The following HIF1AN variants were observed in gnomAD, a reference collection of about 807,000 sequenced individuals.
HIF1AN encodes hypoxia-inducible factor 1-alpha inhibitor.
In HIF1AN, 21 loss-of-function variants were observed where a neutral mutation model predicts 47.7. The ratio of observed to expected loss-of-function variants is 0.44; its 90% CI spans 0.31 to 0.63. The LOEUF (loss-of-function observed/expected upper bound fraction) is 0.63. HIF1AN is among the 30% of genes least tolerant of loss of function. The probability of loss-of-function intolerance (pLI) is 0.07; values close to 1 mark genes in which losing one functional copy is unlikely to be tolerated. For missense variants in HIF1AN, 320 were observed against 432.7 expected (o/e 0.74, Z 2.31); for synonymous variants, 152 against 155.9 (o/e 0.98, Z 0.18).
At chr10:100,537,506 C>T (rs1313480136) in intron 2 of HIF1AN, among the ~76,000 whole-genome samples, 1 of 152,204 alleles carries the variant, frequency 6.6e-6, no homozygotes, top group African/African-American at 2.4e-5. Flanking sequence ...GGTTAGGATT[C>T]TCTAGCTTAG....
In HIF1AN at chr10:100,557,118, A is replaced by G. The variant is rs945314079; in HGVS notation, c.*8981A>G. 6.6e-6 allele frequency: 1 copy of G among 152,274 alleles called. No homozygotes were observed. The highest frequency in any genetic ancestry group is 1.5e-5 in the Non-Finnish European group (1 of 68,108). 9.4% of individuals were successfully genotyped at this position (152,274 alleles called of 1,614,324 possible). ...GTTTAATAGGGCAGGGTCTTGAGGA[A>G]CAGGAACAGAGACCTTGGTTCTGGG... On this transcript the variant is annotated 3_prime_UTR_variant, in exon 8 of 8. Transcript: ENST00000299163.
In HIF1AN at chr10:100,540,796, C is replaced by G. The variant is rs1278122836; in HGVS notation, c.577+14C>G. 6.3e-7 allele frequency: 1 copy of G among 1,599,122 alleles called. No individual in the cohort carries two copies. Among genetic ancestry groups the G allele is most frequent in the Non-Finnish European group, 8.5e-7 (1 of 1,175,454 alleles). ...TTGGCATGGAAGGTAAGAAATCTTT[C>G]AAAAGCAGCATGGCTTGGAGTCATA... On this transcript the variant is annotated intron_variant, in intron 3 of 7. Transcript: ENST00000299163.
At chr10:100,544,603 G>A (rs17113199) in intron 3 of HIF1AN, among the ~76,000 whole-genome samples, 1,766 of 152,258 alleles carry the variant, frequency 0.012, 27 homozygotes, top group African/African-American at 0.039. Flanking sequence ...AATTCCTGCC[G>A]TAGTCAAGAA....
intron 3 of HIF1AN, 55 bp from the exon 4 acceptor site, chr10:100,544,896 C>T: frequency 6.4e-7 from 1 of 1,565,164 alleles, no homozygotes; most frequent in Non-Finnish European, 8.8e-7. Flanking sequence ...TCCTGTATTC[C>T]AGCTTATGCA....
chr10:100,547,019 C>T, intron 6 of HIF1AN, 121 bp from the exon 7 acceptor site: 1 of 714,236 alleles, frequency 1.4e-6, no homozygotes, highest in Non-Finnish European at 2.4e-6. Flanking sequence ...GGATTATAGG[C>T]CTGAGTCACC....
intron 7 of HIF1AN, 128 bp from the exon 8 acceptor site, chr10:100,547,965 A>T: frequency 1.2e-6 from 1 of 819,896 alleles, no homozygotes; most frequent in Non-Finnish European, 2.1e-6. Flanking sequence ...TGATTAGAGG[A>T]TTCACAAGAT....
chr10:100,546,119 T>C, intron 5 of HIF1AN, 70 bp downstream of exon 5: 1 of 1,079,390 alleles, frequency 9.3e-7, no homozygotes, highest in South Asian at 1.3e-5. Flanking sequence ...GCCTTGTCTG[T>C]GTCGCTTCTG....
At position 100,552,227 on chromosome 10, in the gene HIF1AN, C is replaced by G. The variant is rs1380720305; in HGVS notation, c.*4090C>G. 1.3e-5 allele frequency: 2 copies of G among 150,134 alleles called. No individual in the cohort carries two copies. Among genetic ancestry groups the G allele is most frequent in the Non-Finnish European group, 2.9e-5 (2 of 68,014 alleles). The allele number at this position is 150,134 out of a possible 1,614,324, so 9.3% of individuals were successfully genotyped here. On this transcript the variant is annotated 3_prime_UTR_variant, in exon 8 of 8. Coordinates refer to ENST00000299163, the MANE Select transcript of HIF1AN (RefSeq NM_017902.3). The stretch of plus-strand genomic sequence containing the variant: ...TTTGTGACTTGAATGCAGTGAGTGC[C>G]TTAGAGGATCCAAGGATGAAGGAAT...
At position 100,553,749 on chromosome 10, in the gene HIF1AN, T is replaced by C. The variant is rs1843188748; in HGVS notation, c.*5612T>C. 1 of 152,272 alleles carries C rather than the reference T, an allele frequency of 6.6e-6. No individual in the cohort carries two copies. Among genetic ancestry groups the C allele is most frequent in the South Asian group, 2.1e-4 (1 of 4,832 alleles). The allele number at this position is 152,272 out of a possible 1,614,324, so 9.4% of individuals were successfully genotyped here. A position where few individuals can be genotyped will look rare whatever the true frequency, so the allele number is the denominator to read the frequency against. On this transcript the variant is annotated 3_prime_UTR_variant, in exon 8 of 8. Transcript: ENST00000299163. ...ACCAGCTGGGTTTGACCTTGGTTGA[T>C]TTACTTAACCTCTCTGAGCCTCAGT...
In HIF1AN at chr10:100,554,175, A is replaced by C. The variant is rs922315993; in HGVS notation, c.*6038A>C. On this transcript the variant is annotated 3_prime_UTR_variant, in exon 8 of 8. Transcript: ENST00000299163. ...TACCAGCCCAGGGCCTTGGGTGAGAAGGTTTCAGGTCTGAGCTCCCCTTGC... is the reference window on the plus strand; with the variant it reads ...TACCAGCCCAGGGCCTTGGGTGAGACGGTTTCAGGTCTGAGCTCCCCTTGC... 2.0e-5 allele frequency: 3 copies of C among 152,166 alleles called. No homozygotes were observed. The highest frequency in any genetic ancestry group is 7.2e-5 in the African/African-American group (3 of 41,426). 9.4% of individuals were successfully genotyped at this position (152,166 alleles called of 1,614,324 possible).
chr10:100,536,017 C>A lies in HIF1AN; in HGVS notation c.59C>A (p.Ala20Asp), dbSNP rs1359056721. The A allele has an allele frequency of 2.5e-6, 4 of 1,586,462 alleles. No individual in the cohort carries two copies. Among genetic ancestry groups the A allele is most frequent in the Non-Finnish European group, 2.6e-6 (3 of 1,167,720 alleles). ...ASGSGEPREE[A>D]GALGPAWDES... The stretch of plus-strand genomic sequence containing the variant: ...GGCTCTGGAGAGCCCCGGGAGGAGG[C>A]TGGAGCCCTCGGCCCCGCCTGGGAT... The change falls in exon 1 of 8, where the codon GCT (alanine) becomes GAT (aspartate). Residue 20 changes from alanine to aspartate, a missense_variant. Physicochemically the swap from Ala to Asp is moderately radical, Grantham distance 126. Coordinates refer to ENST00000299163, the MANE Select transcript of HIF1AN (RefSeq NM_017902.3).
rs181848222 is a variant in HIF1AN, at chr10:100,550,480, C to T, written c.*2343C>T. The stretch of plus-strand genomic sequence containing the variant: ...ACTGTTAGGCTGCAAACCCCTTGCT[C>T]CTTCCTTTCCACCAAACTATGTTGA... On this transcript the variant is annotated 3_prime_UTR_variant, in exon 8 of 8. Transcript: ENST00000299163. The T allele has an allele frequency of 5.3e-5, 8 of 152,370 alleles. No individual in the cohort carries two copies. Among genetic ancestry groups the T allele is most frequent in the Admixed American group, 3.3e-4 (5 of 15,300 alleles). The allele number at this position is 152,370 out of a possible 1,614,324, so 9.4% of individuals were successfully genotyped here. A position where few individuals can be genotyped will look rare whatever the true frequency, so the allele number is the denominator to read the frequency against.
intron 3 of HIF1AN, among the ~76,000 whole-genome samples, chr10:100,544,295 G>A (rs1345738720): frequency 6.6e-6 from 1 of 152,294 alleles, no homozygotes; most frequent in African/African-American, 2.4e-5. Context: ...GTGTTGTCTT[G>A]GCTAGATGTG....
intron 3 of HIF1AN, among the ~76,000 whole-genome samples, chr10:100,542,498 C>T (rs1047102557): frequency 4.8e-4 from 73 of 152,090 alleles, no homozygotes; most frequent in Non-Finnish European, 4.0e-4. Flanking sequence ...GGACTACGGG[C>T]GCCCGCCACC....
chr10:100,542,392 C>G (rs775992083), intron 3 of HIF1AN, among the ~76,000 whole-genome samples: 4 of 152,096 alleles, frequency 2.6e-5, no homozygotes, highest in African/African-American at 9.7e-5. Context: ...CTCGCTCTGT[C>G]GCCCAGGCTG....
In HIF1AN at chr10:100,545,234, A is replaced by G. The variant is rs147476459; in HGVS notation, c.723+138A>G. The G allele has an allele frequency of 1.7e-5, 15 of 862,130 alleles. No individual in the cohort carries two copies. The African/African-American group carries it at 1.9e-4, about 11-fold the overall frequency. 53.4% of individuals were successfully genotyped at this position (862,130 alleles called of 1,614,324 possible). A position where few individuals can be genotyped will look rare whatever the true frequency, so the allele number is the denominator to read the frequency against. Reference sequence around the variant, plus strand: ...TCTTGCCTTAACACACCAAGAGGGTAATTTCATTGTAGCTCACATATTCCA... The same window carrying G: ...TCTTGCCTTAACACACCAAGAGGGTGATTTCATTGTAGCTCACATATTCCA... On this transcript the variant is annotated intron_variant, in intron 4 of 7. Coordinates refer to ENST00000299163, the MANE Select transcript of HIF1AN (RefSeq NM_017902.3).
intron 3 of HIF1AN, among the ~76,000 whole-genome samples, chr10:100,544,229 T>C (rs142319351): frequency 6.6e-6 from 1 of 152,372 alleles, no homozygotes; most frequent in Non-Finnish European, 1.5e-5. Context: ...TCATCTGATA[T>C]TCTTTCCTCC....
chr10:100,541,184 A>C (rs988914549), intron 3 of HIF1AN, among the ~76,000 whole-genome samples: 3 of 152,060 alleles, frequency 2.0e-5, no homozygotes, highest in Non-Finnish European at 4.4e-5. Context: ...ACGCCACTGC[A>C]CTCCAGCCTG....
At chr10:100,536,795 T>TA (rs1156378851) in intron 2 of HIF1AN, 134 bp downstream of exon 2, 2 of 973,058 alleles carry the variant, frequency 2.1e-6, no homozygotes, top group Non-Finnish European at 1.5e-6. Context: ...GTTGAAGGAG[T>TA]AGTCTGGTCT....
Sources: gnomAD v4.1 joint callset for allele counts (sites outside exome capture counted in the v4.1 genomes callset) on GRCh38, gnomAD v4.1.1 for gene constraint, MANE v1.5 for transcripts, NCBI Gene and HGNC (gene_info 2026-07-23, HGNC 2026-07-21) for gene names.